Variants in PARD3B observed in about 807,000 individuals in gnomAD.
PARD3B encodes partitioning defective 3 homolog B.
PARD3B carries 103 observed loss-of-function variants against 130.2 expected under a neutral mutation model. The ratio of observed to expected loss-of-function variants is 0.79; its 90% CI spans 0.67 to 0.93. PARD3B has a LOEUF of 0.93. Ranked by LOEUF, PARD3B falls within the 40% of genes least tolerant of loss-of-function variation. The pLI is 0.00. For missense variants in PARD3B, 1,609 were observed against 1,499.2 expected, an observed-to-expected ratio of 1.07 and a Z score of -1.21; for synonymous variants, 583 against 553.2, an observed-to-expected ratio of 1.05 and a Z score of -0.76.
intron 18 of PARD3B, among the ~76,000 whole-genome samples, chr2:205,344,785 C>T (rs1421974256): frequency 6.6e-6 from 1 of 152,054 alleles, no homozygotes; most frequent in Non-Finnish European, 1.5e-5. Flanking sequence ...GCTAATTGGA[C>T]TATATGTGAA....
At chr2:205,414,025 A>G (rs1425888677) in intron 19 of PARD3B, among the ~76,000 whole-genome samples, 2 of 152,138 alleles carry the variant, frequency 1.3e-5, no homozygotes, top group Non-Finnish European at 2.9e-5. Context: ...TTTGTGCTGT[A>G]TTTTGAGCTG....
At chr2:204,560,330 A>G (rs572569850) in intron 1 of PARD3B, among the ~76,000 whole-genome samples, 1 of 152,312 alleles carries the variant, frequency 6.6e-6, no homozygotes, top group African/African-American at 2.4e-5. Flanking sequence ...ACTTTGGGTC[A>G]GTATTGTGTT....
In PARD3B at chr2:205,491,584, A is replaced by T. The variant is rs1575153302; in HGVS notation, c.3045-8312A>T. Among the ~76,000 whole-genome samples, 2 of 152,092 alleles carry T rather than the reference A, an allele frequency of 1.3e-5. 1 individual carries two copies. The highest frequency in any genetic ancestry group is 2.9e-5 in the Non-Finnish European group (2 of 68,002). On this transcript the variant is annotated intron_variant, in intron 20 of 22. Coordinates refer to ENST00000406610, the MANE Select transcript of PARD3B (RefSeq NM_001302769.2). ...TCTTTTTGCTTAGGATTGACTTGGC[A>T]ATGCGGGCTCTTTTTTGGTTCCGGC...
At chr2:205,507,404 C>T (rs1332653415) in intron 21 of PARD3B, among the ~76,000 whole-genome samples, 6 of 151,228 alleles carry the variant, frequency 4.0e-5, no homozygotes, top group African/African-American at 4.9e-5. Context: ...TTAGTAGAGA[C>T]GGGGTTTCAC....
chr2:205,276,648 G>A lies in PARD3B; in HGVS notation c.2186-23882G>A, dbSNP rs1391896263. Among the ~76,000 whole-genome samples the A allele has an allele frequency of 1.3e-5, 2 of 152,162 alleles. No homozygotes were observed. Among genetic ancestry groups the A allele is most frequent in the African/African-American group, 4.8e-5 (2 of 41,442 alleles). On this transcript the variant is annotated intron_variant, in intron 16 of 22. Coordinates refer to ENST00000406610, the MANE Select transcript of PARD3B (RefSeq NM_001302769.2). This position sits in a 1 kb window ranked among gnomAD's most constrained non-coding sequence, Gnocchi z 5.0. ...CAGAGAAGCTCCAAAGTGGCTTGCA[G>A]CGCTTTATCAGCCGACATTTACACA...
intron 6 of PARD3B, among the ~76,000 whole-genome samples, chr2:205,117,875 T>A (rs1420336168): frequency 7.1e-6 from 1 of 141,214 alleles, no homozygotes; most frequent in Non-Finnish European, 1.5e-5. Context: ...TTTGGTTTAG[T>A]TTTGGTTTAT....
chr2:204,627,328 A>C (rs1363108292), intron 1 of PARD3B, among the ~76,000 whole-genome samples: 1 of 152,164 alleles, frequency 6.6e-6, no homozygotes. Flanking sequence ...GTAAATTGCA[A>C]ATGTTTGGCA....
intron 16 of PARD3B, among the ~76,000 whole-genome samples, chr2:205,297,874 T>G (rs76136688): frequency 0.033 from 5,052 of 152,298 alleles, 240 homozygotes; most frequent in African/African-American, 0.11. Context: ...GTACTTCTAC[T>G]TTGTGACTTC....
chr2:205,469,121 CT>C (rs1248377545), intron 20 of PARD3B, among the ~76,000 whole-genome samples: 2 of 152,148 alleles, frequency 1.3e-5, no homozygotes, highest in Non-Finnish European at 2.9e-5. Flanking sequence ...TTTGTTTCCT[CT>C]ATCAAATCTT....
intron 10 of PARD3B, among the ~76,000 whole-genome samples, chr2:205,148,469 T>C (rs542974023): frequency 1.6e-3 from 248 of 152,298 alleles, no homozygotes; most frequent in South Asian, 8.9e-3. Context: ...TATAATCCAA[T>C]TGGCCAAAAA....
chr2:205,249,417 C>T (rs574218441), intron 16 of PARD3B, among the ~76,000 whole-genome samples: 101 of 152,186 alleles, frequency 6.6e-4, no homozygotes, highest in African/African-American at 2.3e-3. Flanking sequence ...AGAGCTATTT[C>T]GTGCCAAGTT....
At chr2:205,138,161 T>C (rs1275556069) in intron 10 of PARD3B, among the ~76,000 whole-genome samples, 2 of 152,224 alleles carry the variant, frequency 1.3e-5, no homozygotes, top group Non-Finnish European at 2.9e-5. Context: ...TCTTGAGTCT[T>C]AATTCCGTTC....
chr2:204,910,934 G>A (rs1455205776), intron 2 of PARD3B, among the ~76,000 whole-genome samples: 2 of 152,114 alleles, frequency 1.3e-5, no homozygotes, highest in African/African-American at 2.4e-5. Context: ...GAGACACCGC[G>A]CCCGGCCAAG....
At chr2:204,712,184 A>G (rs905946929) in intron 2 of PARD3B, among the ~76,000 whole-genome samples, 6 of 152,246 alleles carry the variant, frequency 3.9e-5, no homozygotes, top group Non-Finnish European at 5.9e-5. Context: ...AAAGAAAATG[A>G]TTAACAAAAA....
chr2:204,555,360 C>T (rs554540698), intron 1 of PARD3B, among the ~76,000 whole-genome samples: 4 of 152,224 alleles, frequency 2.6e-5, no homozygotes, highest in Admixed American at 6.5e-5. Context: ...GAGTTCAAGA[C>T]CAGCCTGGGC....
At chr2:204,766,906 C>T (rs1486651241) in intron 2 of PARD3B, among the ~76,000 whole-genome samples, 1 of 146,640 alleles carries the variant, frequency 6.8e-6, no homozygotes, top group East Asian at 2.0e-4. Context: ...GGTAATATTT[C>T]TGTAGGAAGG....
chr2:205,167,321 A>T (rs2034877892), intron 11 of PARD3B, among the ~76,000 whole-genome samples: 1 of 152,166 alleles, frequency 6.6e-6, no homozygotes, highest in South Asian at 2.1e-4. Context: ...CACTCCAAAG[A>T]ATTATCTGGC....
chr2:205,482,111 T>C (rs957792435), intron 20 of PARD3B, among the ~76,000 whole-genome samples: 1 of 152,164 alleles, frequency 6.6e-6, no homozygotes, highest in African/African-American at 2.4e-5. Context: ...CAAGTAAATA[T>C]ATGAAATGCG....
At chr2:204,977,095 G>A (rs147651183) in intron 3 of PARD3B, among the ~76,000 whole-genome samples, 2 of 152,164 alleles carry the variant, frequency 1.3e-5, no homozygotes, top group East Asian at 1.9e-4. Flanking sequence ...TGCTAAAATG[G>A]CTTATTGAAG....
Sources: gnomAD v4.1 joint callset for allele counts (sites outside exome capture counted in the v4.1 genomes callset) on GRCh38, gnomAD v4.1.1 for gene constraint, Gnocchi (gnomAD v3.1) non-coding constraint, MANE v1.5 for transcripts, NCBI Gene and HGNC (gene_info 2026-07-23, HGNC 2026-07-21) for gene names.